CYBB: variants seen among roughly 807,000 people sequenced by gnomAD.
CYBB encodes the protein NADPH oxidase 2.
CYBB carries 5 observed loss-of-function variants against 46.5 expected under a neutral mutation model. The observed-to-expected ratio is 0.11, with a 90% CI of 0.06 to 0.23. The LOEUF (loss-of-function observed/expected upper bound fraction) is 0.23, where lower values mean the gene tolerates loss of function less well. Ranked by LOEUF, CYBB falls within the 10% of genes least tolerant of loss-of-function variation. The pLI is 1.00. For synonymous variants in CYBB, 183 were observed against 156.7 expected (o/e 1.17, Z -1.26); for missense variants, 307 against 428.3 (o/e 0.72, Z 2.50).
intron 3 of CYBB, among the ~76,000 whole-genome samples, chrX:37,788,789 A>G (rs1218769997): frequency 9.0e-6 from 1 of 111,494 alleles, no homozygotes; most frequent in Non-Finnish European, 1.9e-5. Flanking sequence ...TTGGACTCCA[A>G]CCTAGTTTCA....
chrX:37,791,319 A>G (rs1442075124), intron 3 of CYBB, among the ~76,000 whole-genome samples: 1 of 112,111 alleles, frequency 8.9e-6, no homozygotes, highest in Non-Finnish European at 1.9e-5. Context: ...ATTAAATTAA[A>G]TTAAATATTA....
At chrX:37,801,031 T>C (rs1178685504) in intron 7 of CYBB, among the ~76,000 whole-genome samples, 3 of 112,255 alleles carry the variant, frequency 2.7e-5, no homozygotes, top group African/African-American at 9.7e-5. Flanking sequence ...GTCAGTACAG[T>C]TCCCCATTGT....
chrX:37,809,207 C>T (rs1929620327), intron 11 of CYBB, among the ~76,000 whole-genome samples: 1 of 111,869 alleles, frequency 8.9e-6, no homozygotes, highest in Non-Finnish European at 1.9e-5. Context: ...AAACATAGAG[C>T]AGAGAGAAAA....
At chrX:37,795,231 G>T (rs1485781715) in intron 5 of CYBB, among the ~76,000 whole-genome samples, 1 of 111,509 alleles carries the variant, frequency 9.0e-6, no homozygotes, top group Non-Finnish European at 1.9e-5. Flanking sequence ...TTGGTGGGGG[G>T]TGGCTGAATG....
Position 37,812,329 on chromosome X carries a change from G to A in CYBB, c.*1412G>A, listed in dbSNP as rs927600845. ...TGCCCCACCCCTTGGAGCCACAAAT[G>A]TTTAGAACTCTTCAACTTCGGTAAT... On this transcript the variant is annotated 3_prime_UTR_variant, in exon 13 of 13. Transcript: ENST00000378588. 1.3e-4 allele frequency: 14 copies of A among 111,631 alleles called. No individual in the cohort carries two copies. The highest frequency in any genetic ancestry group is 3.8e-5 in the Non-Finnish European group (2 of 53,160). The allele number at this position is 111,631 out of a possible 1,213,427, so 9.2% of individuals were successfully genotyped here. A position where few individuals can be genotyped will look rare whatever the true frequency, so the allele number is the denominator to read the frequency against.
intron 1 of CYBB, 91 bp from the exon 2 acceptor site, chrX:37,781,997 G>C (rs1928961359): frequency 1.4e-6 from 1 of 723,896 alleles, no homozygotes; most frequent in African/African-American, 2.1e-5. Context: ...AGTTGGACTT[G>C]GGGAAGTCCT....
chrX:37,794,021 G>A (rs1247787623), intron 5 of CYBB, among the ~76,000 whole-genome samples: 1 of 111,308 alleles, frequency 9.0e-6, no homozygotes, highest in Non-Finnish European at 1.9e-5. Flanking sequence ...ATGTTTTCCA[G>A]GTCTTTAAGC....
At chrX:37,798,316 A>G (rs1464456198) in intron 6 of CYBB, 1 of 113,709 alleles carries the variant, frequency 8.8e-6, no homozygotes, top group Non-Finnish European at 1.8e-5. Flanking sequence ...TGAGCAATTC[A>G]AGGTACACAC....
chrX:37,794,325 T>C (rs1354346842), intron 5 of CYBB, among the ~76,000 whole-genome samples: 2 of 111,299 alleles, frequency 1.8e-5, no homozygotes, highest in African/African-American at 6.5e-5. Context: ...AGATAAGGTA[T>C]CTTAATTATT....
At chrX:37,794,220 A>C (rs1929255941) in intron 5 of CYBB, among the ~76,000 whole-genome samples, 1 of 112,248 alleles carries the variant, frequency 8.9e-6, no homozygotes, top group African/African-American at 3.2e-5. Context: ...AAGTGGATTT[A>C]GAATTTAGGA....
rs1355497072 is a variant in CYBB at position 37,811,180 on chromosome X, T to C, written c.*263T>C. 1.1e-5 allele frequency: 3 copies of C among 280,847 alleles called. No homozygotes were observed. The highest frequency in any genetic ancestry group is 1.9e-5 in the Non-Finnish European group (3 of 154,234). 23.1% of individuals were successfully genotyped at this position (280,847 alleles called of 1,213,427 possible). ...TCAGTGGAAGTTAGGGAAAAGATTC[T>C]TGGACTCAATTTTAGAATCAAAAGG... On this transcript the variant is annotated 3_prime_UTR_variant, in exon 13 of 13. Coordinates refer to ENST00000378588, the MANE Select transcript of CYBB (RefSeq NM_000397.4).
In CYBB at chrX:37,800,513, C is replaced by T. The variant is rs184692346; in HGVS notation, c.805-743C>T. Among the ~76,000 whole-genome samples the T allele has an allele frequency of 2.7e-3, 296 of 110,961 alleles. 3 individuals are homozygous for T. Among genetic ancestry groups the T allele is most frequent in the Non-Finnish European group, 4.7e-3 (249 of 52,909 alleles). On this transcript the variant is annotated intron_variant, in intron 7 of 12. Transcript: ENST00000378588. ...ATCTTTTCCCCCTTAGAATACATTC[C>T]GGAAAGTCATTTTTTAGATAATATT...
At chrX:37,802,617 C>T (rs1307125684) in intron 8 of CYBB, among the ~76,000 whole-genome samples, 1 of 111,737 alleles carries the variant, frequency 8.9e-6, no homozygotes, top group African/African-American at 3.3e-5. Context: ...TTTCTGTTTT[C>T]AAAATGAAGC....
chrX:37,809,525 A>AT (rs782477637), intron 11 of CYBB, 42 bp from the exon 12 acceptor site: 1 of 1,171,250 alleles, frequency 8.5e-7, no homozygotes, highest in African/African-American at 1.8e-5. Context: ...GTGCTTTTAC[A>AT]GAATGTCTCT....
At position 37,782,194 on chromosome X, in the gene CYBB, A is replaced by G. The variant is rs1238514824; in HGVS notation, c.141+11A>G. The G allele has an allele frequency of 2.9e-6, 3 of 1,034,180 alleles. No individual in the cohort carries two copies. The highest frequency in any genetic ancestry group is 4.1e-6 in the Non-Finnish European group (3 of 734,714). The allele number at this position is 1,034,180 out of a possible 1,213,427, so 85.2% of individuals were successfully genotyped here. On this transcript the variant is annotated intron_variant, in intron 2 of 12. Coordinates refer to ENST00000378588, the MANE Select transcript of CYBB (RefSeq NM_000397.4). ...AGAAAACTTCTTGGGGTAAGTATAA[A>G]TTCCATCCCATGCAATATTGGCTGG...
chrX:37,798,814 T>C (rs1929370786), intron 6 of CYBB, 141 bp from the exon 7 acceptor site: 3 of 593,946 alleles, frequency 5.1e-6, no homozygotes, highest in Non-Finnish European at 8.2e-6. Context: ...CTTTCATCTA[T>C]TCAGAGGGAG....
intron 1 of CYBB, among the ~76,000 whole-genome samples, chrX:37,781,177 G>A (rs1928944984): frequency 8.9e-6 from 1 of 112,161 alleles, no homozygotes; most frequent in African/African-American, 3.2e-5. Flanking sequence ...CATTTTTAAG[G>A]GCAAATAATT....
intron 1 of CYBB, among the ~76,000 whole-genome samples, chrX:37,780,795 G>A (rs781832922): frequency 9.0e-6 from 1 of 110,551 alleles, no homozygotes; most frequent in Non-Finnish European, 1.9e-5. Context: ...ATTTACAAGT[G>A]GACAGAATGA....
At chrX:37,787,561 G>T (rs1929097513) in intron 3 of CYBB, among the ~76,000 whole-genome samples, 1 of 111,952 alleles carries the variant, frequency 8.9e-6, no homozygotes. Context: ...CAGTAACAGA[G>T]AAACTTCCCT....
Sources: allele counts gnomAD v4.1 joint callset (sites outside exome capture counted in the v4.1 genomes callset), GRCh38; gene constraint gnomAD v4.1.1; transcripts MANE v1.5; gene names NCBI Gene and HGNC (gene_info 2026-07-23, HGNC 2026-07-21).